MAGOH: variants seen among roughly 807,000 people sequenced by gnomAD.
MAGOH encodes protein mago nashi homolog.
A neutral mutation model predicts 20.9 loss-of-function variants in MAGOH; 3 were observed. The observed-to-expected ratio is 0.14, with a 90% CI of 0.07 to 0.37. MAGOH has a LOEUF of 0.37. Ranked by LOEUF, MAGOH falls within the 10% of genes least tolerant of loss-of-function variation. The pLI is 1.00. For synonymous variants in MAGOH, 51 were observed against 61.0 expected, an observed-to-expected ratio of 0.84 and a Z score of 0.76; for missense variants, 66 against 178.1, an observed-to-expected ratio of 0.37 and a Z score of 3.58.
At chr1:53,233,964 T>C (rs1645598940) in intron 2 of MAGOH, 4 of 237,468 alleles carry the variant, frequency 1.7e-5, no homozygotes, top group Non-Finnish European at 2.5e-5. Flanking sequence ...CCCCCTGCCA[T>C]GGTTTGAATG....
intron 1 of MAGOH, among the ~76,000 whole-genome samples, chr1:53,236,914 T>TC (rs1233274602): frequency 6.6e-6 from 1 of 150,786 alleles, no homozygotes; most frequent in Non-Finnish European, 1.5e-5. Context: ...AATCTTTCTC[T>TC]CCATTTCTAC....
At chr1:53,231,453 A>G (rs1459311956) in intron 3 of MAGOH, among the ~76,000 whole-genome samples, 1 of 152,248 alleles carries the variant, frequency 6.6e-6, no homozygotes, top group Non-Finnish European at 1.5e-5. Context: ...TCTACCCAGA[A>G]ATAATACAAG....
intron 3 of MAGOH, among the ~76,000 whole-genome samples, chr1:53,230,965 C>T (rs1645583390): frequency 6.6e-6 from 1 of 152,210 alleles, no homozygotes; most frequent in African/African-American, 2.4e-5. Flanking sequence ...TATACATCTC[C>T]TTGTACATGT....
intron 3 of MAGOH, among the ~76,000 whole-genome samples, chr1:53,229,388 G>C (rs1472127255): frequency 1.3e-5 from 2 of 152,030 alleles, no homozygotes; most frequent in Non-Finnish European, 2.9e-5. Context: ...TTTTAGTAGA[G>C]ACGGGGTTTC....
intron 3 of MAGOH, chr1:53,233,289 T>A (rs1247304300): frequency 3.3e-6 from 1 of 300,026 alleles, no homozygotes; most frequent in Non-Finnish European, 6.1e-6. Context: ...ACCAAAATGG[T>A]GCTCAGAATG....
intron 1 of MAGOH, among the ~76,000 whole-genome samples, chr1:53,236,357 A>G (rs1413489158): frequency 6.6e-6 from 1 of 152,246 alleles, no homozygotes; most frequent in Admixed American, 6.5e-5. Flanking sequence ...TAATACTTTG[A>G]TAAAGTCAAT....
rs1231950502 is a variant in MAGOH, at chr1:53,237,673, C to CAAAAAAAAA, written c.88+679_88+687dup. On this transcript the variant is annotated intron_variant, in intron 1 of 4. Coordinates refer to ENST00000371470, the MANE Select transcript of MAGOH (RefSeq NM_002370.4). Reference sequence around the variant, plus strand: ...TGGGCAAAAAGAGCGAAAGCCGTCTCAAAAAAAAAAAAAAAAAAAAGGCCT... The same window carrying CAAAAAAAAA: ...TGGGCAAAAAGAGCGAAAGCCGTCTCAAAAAAAAAAAAAAAAAAAAAAAAAAAAAGGCCT... Among the ~76,000 whole-genome samples, 10 of 55,336 alleles carry CAAAAAAAAA rather than the reference C, an allele frequency of 1.8e-4. 1 individual carries two copies. The East Asian group carries it at 4.8e-3, about 26-fold the overall frequency. The allele number at this position is 55,336 out of a possible 152,430, so 36.3% of individuals were successfully genotyped here. A position where few individuals can be genotyped will look rare whatever the true frequency, so the allele number is the denominator to read the frequency against.
At chr1:53,232,817 C>T (rs1033821183) in intron 3 of MAGOH, among the ~76,000 whole-genome samples, 2 of 152,138 alleles carry the variant, frequency 1.3e-5, no homozygotes, top group Non-Finnish European at 2.9e-5. Context: ...AAAGATCAGA[C>T]CAGTAGGATG....
Position 53,227,096 on chromosome 1 carries a change from C to T in MAGOH, c.390G>A (p.Lys130=), listed in dbSNP as rs755362534. 8 of 1,577,974 alleles carry T rather than the reference C, an allele frequency of 5.1e-6. No individual in the cohort carries two copies. The change falls in exon 5 of 5, where the codon AAG becomes AAA. Residue 130 remains lysine, a synonymous_variant. Coordinates refer to ENST00000371470, the MANE Select transcript of MAGOH (RefSeq NM_002370.4). ...RVFYYLVQDL[K]CLVFSLIGLH... ...ATCCAATAAGACTGAAGACCAAACA[C>T]TTCAGGTCCTGGACAAGATAATAAA... is the stretch of plus-strand genomic sequence containing the variant.
At chr1:53,238,193 T>C (rs1448344910) in intron 1 of MAGOH, among the ~76,000 whole-genome samples, 168 bp downstream of exon 1, 2 of 152,134 alleles carry the variant, frequency 1.3e-5, no homozygotes, top group African/African-American at 4.8e-5. Context: ...GCTGAATGGA[T>C]AGAAAGACCC....
At chr1:53,231,281 T>A (rs1645585222) in intron 3 of MAGOH, among the ~76,000 whole-genome samples, 1 of 152,236 alleles carries the variant, frequency 6.6e-6, no homozygotes, top group African/African-American at 2.4e-5. Flanking sequence ...ATTCTTTATA[T>A]ATTCTGGATG....
intron 3 of MAGOH, among the ~76,000 whole-genome samples, chr1:53,230,283 A>G (rs780869096): frequency 6.6e-6 from 1 of 152,224 alleles, no homozygotes; most frequent in African/African-American, 2.4e-5. Context: ...CAGATTTATA[A>G]ATTATTGCCA....
At position 53,235,564 on chromosome 1, in the gene MAGOH, A is replaced by C. The variant is rs983766966; in HGVS notation, c.147+13T>G. ...AGCAAATGAAGGACTCTCAGAAGGC[A>C]GAAGGCTCATACCTCTTTTCTGATC... On this transcript the variant is annotated intron_variant, in intron 2 of 4. Transcript: ENST00000371470. 1 of 1,611,836 alleles carries C rather than the reference A, an allele frequency of 6.2e-7. No homozygotes were observed. The highest frequency in any genetic ancestry group is 8.5e-7 in the Non-Finnish European group (1 of 1,178,412).
At position 53,235,610 on chromosome 1, in the gene MAGOH, G is replaced by A. The variant is rs369761819; in HGVS notation, c.114C>T (p.Ser38=). The change falls in exon 2 of 5, where the codon AGC becomes AGT. Residue 38 remains serine, a synonymous_variant. Coordinates refer to ENST00000371470, the MANE Select transcript of MAGOH (RefSeq NM_002370.4). ...PDGKLRYANN[S]NYKNDVMIRK... ...TGATCATGACATCATTCTTGTAATT[G>A]CTGTTGTTGGCATATCTTAACTTCC... The A allele has an allele frequency of 3.7e-6, 6 of 1,613,970 alleles. No homozygotes were observed. The African/African-American group carries it at 8.0e-5, about 22-fold the overall frequency.
intron 2 of MAGOH, among the ~76,000 whole-genome samples, chr1:53,234,131 T>A (rs1299973711): frequency 6.6e-6 from 1 of 152,152 alleles, no homozygotes; most frequent in Non-Finnish European, 1.5e-5. Flanking sequence ...CTGGCCCCTT[T>A]CTTGTTCTTT....
At chr1:53,232,513 T>C (rs1276676678) in intron 3 of MAGOH, among the ~76,000 whole-genome samples, 1 of 151,994 alleles carries the variant, frequency 6.6e-6, no homozygotes, top group African/African-American at 2.4e-5. Context: ...ACTTCTTAGA[T>C]TGGATGGACA....
At chr1:53,227,453 G>T (rs1014433339) in intron 4 of MAGOH, among the ~76,000 whole-genome samples, 2 of 152,178 alleles carry the variant, frequency 1.3e-5, no homozygotes, top group African/African-American at 4.8e-5. Context: ...ACTTGTGGAT[G>T]ATTTTCCCCT....
chr1:53,232,522 C>T (rs1306873702), intron 3 of MAGOH, among the ~76,000 whole-genome samples: 1 of 152,024 alleles, frequency 6.6e-6, no homozygotes, highest in African/African-American at 2.4e-5. Flanking sequence ...ATTGGATGGA[C>T]AGGCAAGACA....
chr1:53,233,455 A>T (rs1645595994), intron 3 of MAGOH, 87 bp downstream of exon 3: 6 of 816,958 alleles, frequency 7.3e-6, no homozygotes, highest in Non-Finnish European at 1.2e-5. Flanking sequence ...TAAGTGAGAT[A>T]GGCAACAAAA....
Sources: allele counts gnomAD v4.1 joint callset (sites outside exome capture counted in the v4.1 genomes callset), GRCh38; gene constraint gnomAD v4.1.1; transcripts MANE v1.5; gene names NCBI Gene and HGNC (gene_info 2026-07-23, HGNC 2026-07-21).